ZNF560: variants seen among roughly 807,000 people sequenced by gnomAD.
The protein encoded by ZNF560 is zinc finger protein 560.
A neutral mutation model predicts 81.8 loss-of-function variants in ZNF560; 54 were observed. The observed-to-expected ratio is 0.66, with a 90% CI of 0.53 to 0.83. The LOEUF (loss-of-function observed/expected upper bound fraction) is 0.83, where lower values mean the gene tolerates loss of function less well. Ranked by LOEUF, ZNF560 falls within the 40% of genes least tolerant of loss-of-function variation. ZNF560 has a pLI of 0.00. For missense variants in ZNF560, 940 were observed against 932.4 expected (o/e 1.01, Z -0.11); for synonymous variants, 321 against 317.9 (o/e 1.01, Z -0.10).
chr19:9,466,899 G>A lies in ZNF560; in HGVS notation c.2048C>T (p.Thr683Ile), dbSNP rs750724915. 6.2e-7 allele frequency: 1 copy of A among 1,614,032 alleles called. No homozygotes were observed. The highest frequency in any genetic ancestry group is 8.5e-7 in the Non-Finnish European group (1 of 1,180,028). ...ATTTCCACATGCGTTACATTCAGAG[G>A]TCTTCTCTGCTGCATGAGTTTTTAA... Reference protein sequence around the residue: ...QHLKTHAAEKTSECNACGNSF... With the variant: ...QHLKTHAAEKISECNACGNSF... The change falls in exon 10 of 10, where the codon ACC becomes ATC. Residue 683 changes from threonine (T) to isoleucine (I), a missense_variant. Coordinates refer to ENST00000301480, the MANE Select transcript of ZNF560 (RefSeq NM_152476.3).
the ZNF560 span, among the ~76,000 whole-genome samples, chr19:9,460,716 T>G: frequency 6.6e-6 from 1 of 152,186 alleles, no homozygotes; most frequent in South Asian, 2.1e-4. Context: ...TGTCAGTATT[T>G]ACCATAATGA....
intron 2 of ZNF560, among the ~76,000 whole-genome samples, chr19:9,493,667 C>T (rs533177019): frequency 2.5e-4 from 38 of 152,114 alleles, no homozygotes; most frequent in Non-Finnish European, 5.0e-4. Flanking sequence ...CAGGTTTTCT[C>T]TTTGATTGTT....
chr19:9,478,437 T>A (rs1050926564), intron 2 of ZNF560, among the ~76,000 whole-genome samples: 10 of 151,776 alleles, frequency 6.6e-5, no homozygotes, highest in Non-Finnish European at 1.0e-4. Context: ...AGGACACTAA[T>A]TAGTAACAAG....
chr19:9,503,253 A>G (rs1014964244), upstream of ZNF560, among the ~76,000 whole-genome samples: 3 of 151,388 alleles, frequency 2.0e-5, no homozygotes, highest in African/African-American at 7.3e-5. Context: ...TCCACTGAGC[A>G]CTCTCTTCAT....
intron 2 of ZNF560, among the ~76,000 whole-genome samples, chr19:9,483,643 C>T (rs1336390302): frequency 2.0e-5 from 3 of 147,216 alleles, no homozygotes; most frequent in Non-Finnish European, 4.5e-5. Flanking sequence ...GCCAGCCCCC[C>T]GCCGGCCAGC....
intron 2 of ZNF560, among the ~76,000 whole-genome samples, chr19:9,484,560 T>A (rs1195428858): frequency 6.7e-6 from 1 of 150,254 alleles, no homozygotes; most frequent in Non-Finnish European, 1.5e-5. Context: ...GGCAGGCAGA[T>A]GACTTGAGGT....
At position 9,473,258 on chromosome 19, in the gene ZNF560, T is replaced by A; in HGVS notation, c.159A>T (p.Gly53=). 6.2e-7 allele frequency: 1 copy of A among 1,606,414 alleles called. No individual in the cohort carries two copies. The highest frequency in any genetic ancestry group is 8.5e-7 in the Non-Finnish European group (1 of 1,176,552). The change falls in exon 5 of 10, where the codon GGA becomes GGT. Residue 53 remains glycine (G), a splice_region_variant and synonymous_variant. Coordinates refer to ENST00000301480, the MANE Select transcript of ZNF560 (RefSeq NM_152476.3). Reference sequence around the variant, plus strand: ...TGACACTGGGTTTAAAGAGCTGAAATCCTTTACATGAAGAAATGATACATT... The same window carrying A: ...TGACACTGGGTTTAAAGAGCTGAAAACCTTTACATGAAGAAATGATACATT... ...LENYENVAKV[G]FQLFKPSVIS...
At chr19:9,463,815 T>C (rs968507797), downstream of ZNF560, among the ~76,000 whole-genome samples, 3 of 152,130 alleles carry the variant, frequency 2.0e-5, no homozygotes, top group Non-Finnish European at 4.4e-5. Context: ...CCTGAGTAGG[T>C]TGGACTACAG....
intron 7 of ZNF560, 61 bp from the exon 8 acceptor site, chr19:9,469,771 C>A: frequency 2.8e-6 from 4 of 1,409,150 alleles, no homozygotes; most frequent in African/African-American, 1.4e-5. Context: ...CAAACTTTTC[C>A]ATGAAACAGG....
At chr19:9,499,921 A>G (rs1599690002), upstream of ZNF560, among the ~76,000 whole-genome samples, 1 of 152,258 alleles carries the variant, frequency 6.6e-6, no homozygotes, top group African/African-American at 2.4e-5. Context: ...TCATCTCTTG[A>G]TGTTGTACTG....
chr19:9,463,810 G>A (rs1014664276), downstream of ZNF560, among the ~76,000 whole-genome samples: 13 of 152,324 alleles, frequency 8.5e-5, no homozygotes, highest in African/African-American at 3.1e-4. Context: ...AGCCTCCTGA[G>A]TAGGTTGGAC....
upstream of ZNF560, among the ~76,000 whole-genome samples, chr19:9,502,124 A>G (rs979065370): frequency 2.0e-5 from 3 of 152,092 alleles, no homozygotes; most frequent in South Asian, 6.2e-4. Flanking sequence ...ACTGCACTCC[A>G]GCCTGGGTGA....
In ZNF560 at chr19:9,469,155, CTGGCCCTT is replaced by C; in HGVS notation, c.554_561del (p.Lys185SerfsTer6). ...AAACAAAAATTATCTTGCCAAAGGG[CTGGCCCTT>C]TGGTTTTCAGGCACATTTTCCATTC... On this transcript the variant is annotated frameshift_variant, in exon 9 of 10. Transcript: ENST00000301480. LOFTEE classifies it high-confidence loss of function. 2 of 1,598,680 alleles carry C rather than the reference CTGGCCCTT, an allele frequency of 1.3e-6. No individual in the cohort carries two copies. Among genetic ancestry groups the C allele is most frequent in the Non-Finnish European group, 1.7e-6 (2 of 1,174,386 alleles).
chr19:9,449,682 G>A, the ZNF560 span, among the ~76,000 whole-genome samples: 45 of 152,138 alleles, frequency 3.0e-4, 2 homozygotes, highest in Non-Finnish European at 2.9e-5. Flanking sequence ...CTTAAGAACT[G>A]AAAAGGCTGG....
chr19:9,448,395 C>CT, the ZNF560 span, among the ~76,000 whole-genome samples: 3,014 of 89,718 alleles, frequency 0.034, 199 homozygotes, highest in African/African-American at 0.099. Flanking sequence ...CCATGCCTGG[C>CT]TTTTTTTTTT....
intron 2 of ZNF560, among the ~76,000 whole-genome samples, chr19:9,481,561 T>C (rs1025341726): frequency 6.6e-6 from 1 of 151,942 alleles, no homozygotes; most frequent in African/African-American, 2.4e-5. Context: ...ACAAAGAACT[T>C]AAACAAATTT....
intron 2 of ZNF560, among the ~76,000 whole-genome samples, chr19:9,494,858 G>C (rs2073531344): frequency 6.6e-6 from 1 of 152,138 alleles, no homozygotes; most frequent in South Asian, 2.1e-4. Flanking sequence ...GGTGAGCCAA[G>C]GTCACACCAC....
intron 2 of ZNF560, among the ~76,000 whole-genome samples, 169 bp downstream of exon 2, chr19:9,497,959 T>C (rs906723808): frequency 2.0e-5 from 3 of 152,104 alleles, no homozygotes; most frequent in African/African-American, 4.8e-5. Context: ...CATGCAGAAA[T>C]ACGCACACCC....
intron 2 of ZNF560, among the ~76,000 whole-genome samples, chr19:9,481,520 A>C (rs2073289235): frequency 6.6e-6 from 1 of 152,202 alleles, no homozygotes; most frequent in Admixed American, 6.5e-5. Flanking sequence ...TGTAATCTAC[A>C]AATCTGACAA....
Sources: allele counts gnomAD v4.1 joint callset (sites outside exome capture counted in the v4.1 genomes callset), GRCh38; gene constraint gnomAD v4.1.1; transcripts MANE v1.5; gene names NCBI Gene and HGNC (gene_info 2026-07-23, HGNC 2026-07-21).